The following KCNJ4 variants were observed in gnomAD, a reference collection of about 807,000 sequenced individuals.
KCNJ4 encodes inward rectifier potassium channel 4.
KCNJ4 carries 3 observed loss-of-function variants against 25.6 expected under a neutral mutation model. The ratio of observed to expected loss-of-function variants is 0.12; its 90% CI spans 0.05 to 0.30. The LOEUF (loss-of-function observed/expected upper bound fraction) is 0.30, where lower values mean the gene tolerates loss of function less well. KCNJ4 is among the 10% of genes least tolerant of loss of function. The pLI is 1.00. For missense variants in KCNJ4, 286 were observed against 666.8 expected (o/e 0.43, Z 6.29); for synonymous variants, 257 against 283.9 (o/e 0.91, Z 0.95).
intron 1 of KCNJ4, among the ~76,000 whole-genome samples, chr22:38,447,782 C>A (rs962170703): frequency 2.7e-4 from 41 of 152,124 alleles, no homozygotes; most frequent in African/African-American, 9.9e-4. Context: ...AAGAACCCTC[C>A]CGTCCGGGTG....
rs568733984 is a variant in KCNJ4 at position 38,437,071 on chromosome 22, C to T, written c.-39-8900G>A. Among the ~76,000 whole-genome samples, 136 of 152,344 alleles carry T rather than the reference C, an allele frequency of 8.9e-4. 3 individuals carry two copies. In the South Asian group the frequency reaches 0.027, roughly 30 times the overall value. ...GTTCCTGATTTCAGGTCCAGCCAAA[C>T]GCTGGAGACCAAGCTTTGGGCTCCA... On this transcript the variant is annotated intron_variant, in intron 1 of 1. Transcript: ENST00000303592.
intron 1 of KCNJ4, among the ~76,000 whole-genome samples, chr22:38,445,060 C>T (rs145515994): frequency 0.02 from 3,039 of 152,168 alleles, 44 homozygotes; most frequent in Non-Finnish European, 0.031. Context: ...TGTGTGCGTG[C>T]ATGCGTGTGT....
chr22:38,451,888 G>T (rs970710021), intron 1 of KCNJ4, among the ~76,000 whole-genome samples: 2 of 152,182 alleles, frequency 1.3e-5, no homozygotes, highest in Non-Finnish European at 2.9e-5. Flanking sequence ...AGTGATTTAA[G>T]CTCCAAACCT....
intron 1 of KCNJ4, among the ~76,000 whole-genome samples, chr22:38,444,829 G>A (rs1009354400): frequency 6.6e-6 from 1 of 152,058 alleles, no homozygotes; most frequent in Non-Finnish European, 1.5e-5. Flanking sequence ...AACTCCAGCC[G>A]ACCCCCATCC....
At chr22:38,446,969 A>C (rs926128324) in intron 1 of KCNJ4, among the ~76,000 whole-genome samples, 2 of 151,576 alleles carry the variant, frequency 1.3e-5, no homozygotes, top group South Asian at 4.1e-4. Flanking sequence ...AAAAAAAAAA[A>C]AGAAACAGAG....
rs150693544 is a variant in KCNJ4, at chr22:38,427,560, C to A, written c.573G>T (p.Ala191=). 1 of 1,610,876 alleles carries A rather than the reference C, an allele frequency of 6.2e-7. No individual in the cohort carries two copies. Among genetic ancestry groups the A allele is most frequent in the African/African-American group, 1.3e-5 (1 of 74,902 alleles). Residue 191 remains alanine (A), a synonymous_variant, in exon 2 of 2, where the codon GCG becomes GCT. Transcript: ENST00000303592. ...GCTTGCCGTCGCGCACCGAAATGACCGCGTGGTGGCTGAACAGCAACGTCT... is the reference window on the plus strand; with the variant it reads ...GCTTGCCGTCGCGCACCGAAATGACAGCGTGGTGGCTGAACAGCAACGTCT... ...RAQTLLFSHH[A]VISVRDGKLC...
intron 1 of KCNJ4, among the ~76,000 whole-genome samples, chr22:38,432,278 A>T (rs2093052190): frequency 6.8e-6 from 1 of 146,334 alleles, no homozygotes; most frequent in Non-Finnish European, 1.5e-5. Flanking sequence ...TAAATAAATA[A>T]ATAAATAAAA....
intron 1 of KCNJ4, among the ~76,000 whole-genome samples, chr22:38,452,167 C>T (rs973165565): frequency 3.3e-5 from 5 of 152,166 alleles, no homozygotes; most frequent in African/African-American, 9.6e-5. Flanking sequence ...CCAGGAGAGC[C>T]GCAGAACTTA....
chr22:38,454,776 C>CCT (rs2089430274), intron 1 of KCNJ4, among the ~76,000 whole-genome samples: 1 of 152,020 alleles, frequency 6.6e-6, no homozygotes. Flanking sequence ...CGCTCCCAGA[C>CCT]GGACAGACGG....
In KCNJ4 at chr22:38,449,875, G is replaced by A. The variant is rs938992930; in HGVS notation, c.-40+5105C>T. Among the ~76,000 whole-genome samples, 2 of 152,226 alleles carry A rather than the reference G, an allele frequency of 1.3e-5. No individual in the cohort carries two copies. The highest frequency in any genetic ancestry group is 2.9e-5 in the Non-Finnish European group (2 of 68,032). On this transcript the variant is annotated intron_variant, in intron 1 of 1. Coordinates refer to ENST00000303592, the MANE Select transcript of KCNJ4 (RefSeq NM_152868.3). The surrounding 1 kb of genome is among the most constrained non-coding windows in gnomAD (Gnocchi z 5.2). ...ATTGGTCAAGACCTTTGGGAGTGGG[G>A]GGCCAAGACCAGAGCAAGCCAGAGC... is the stretch of plus-strand genomic sequence containing the variant.
intron 1 of KCNJ4, among the ~76,000 whole-genome samples, chr22:38,447,163 C>T (rs535915897): frequency 5.5e-4 from 84 of 152,066 alleles, no homozygotes; most frequent in Admixed American, 2.6e-3. Flanking sequence ...GGGAGGTGGG[C>T]CACTCCTCCT....
At chr22:38,446,214 C>T (rs1246910545) in intron 1 of KCNJ4, among the ~76,000 whole-genome samples, 1 of 152,268 alleles carries the variant, frequency 6.6e-6, no homozygotes, top group Non-Finnish European at 1.5e-5. Flanking sequence ...CCGCCCGTGG[C>T]TGGCTGGCCA....
chr22:38,450,521 C>CGCAA (rs1569125119), intron 1 of KCNJ4, among the ~76,000 whole-genome samples: 2 of 152,170 alleles, frequency 1.3e-5, no homozygotes, highest in African/African-American at 4.8e-5. Context: ...CCTCTCCCTG[C>CGCAA]GCCGATAACT....
chr22:38,432,499 A>G (rs1335577484), intron 1 of KCNJ4, among the ~76,000 whole-genome samples: 1 of 152,080 alleles, frequency 6.6e-6, no homozygotes, highest in Middle Eastern at 3.2e-3. Flanking sequence ...GTGACCTTGA[A>G]CAAGTTCTTC....
At position 38,448,466 on chromosome 22, in the gene KCNJ4, C is replaced by A. The variant is rs1176953422; in HGVS notation, c.-40+6514G>T. 3.3e-5 allele frequency among the ~76,000 whole-genome samples: 5 copies of A among 152,098 alleles called. No homozygotes were observed. In the East Asian group the frequency reaches 9.7e-4, roughly 29 times the overall value. ...GTGAGGGGCTGAGCTGGGATTCGAT[C>A]CCAGGCCCCTGACGCAGGCCACCCT... is the stretch of plus-strand genomic sequence containing the variant. On this transcript the variant is annotated intron_variant, in intron 1 of 1. Transcript: ENST00000303592.
At chr22:38,445,985 C>T (rs1178282162) in intron 1 of KCNJ4, among the ~76,000 whole-genome samples, 3 of 152,146 alleles carry the variant, frequency 2.0e-5, no homozygotes, top group Admixed American at 1.3e-4. Context: ...CTCACAGGAC[C>T]GCCACTCTGC....
Position 38,426,571 on chromosome 22 carries a change from A to G in KCNJ4, c.*224T>C. 1 of 549,824 alleles carries G rather than the reference A, an allele frequency of 1.8e-6. No individual in the cohort carries two copies. Among genetic ancestry groups the G allele is most frequent in the East Asian group, 3.0e-5 (1 of 32,946 alleles). The allele number at this position is 549,824 out of a possible 1,614,324, so 34.1% of individuals were successfully genotyped here. A position where few individuals can be genotyped will look rare whatever the true frequency, so the allele number is the denominator to read the frequency against. Reference sequence around the variant, plus strand: ...GTGGATCCGGGGACCTAGAGCCACCAGAAGTAGGCGCTGGCGGAACTCAGG... The same window carrying G: ...GTGGATCCGGGGACCTAGAGCCACCGGAAGTAGGCGCTGGCGGAACTCAGG... On this transcript the variant is annotated 3_prime_UTR_variant, in exon 2 of 2. Transcript: ENST00000303592.
chr22:38,434,046 G>C (rs1429535344), intron 1 of KCNJ4, among the ~76,000 whole-genome samples: 4 of 152,110 alleles, frequency 2.6e-5, no homozygotes, highest in African/African-American at 9.7e-5. Flanking sequence ...CCACTGACCA[G>C]AGACACCATG....
intron 1 of KCNJ4, among the ~76,000 whole-genome samples, chr22:38,441,303 C>G (rs1311553113): frequency 3.3e-5 from 5 of 152,102 alleles, no homozygotes; most frequent in Admixed American, 2.6e-4. Flanking sequence ...ATGGGCTGGG[C>G]AGAAAGGGAG....
Sources: gnomAD v4.1 joint callset for allele counts (sites outside exome capture counted in the v4.1 genomes callset) on GRCh38, gnomAD v4.1.1 for gene constraint, Gnocchi (gnomAD v3.1) non-coding constraint, MANE v1.5 for transcripts, NCBI Gene and HGNC (gene_info 2026-07-23, HGNC 2026-07-21) for gene names.